Variants in USP1 observed in about 807,000 individuals in gnomAD.
USP1 encodes ubiquitin specific peptidase 1, also known as ubiquitin carboxyl-terminal hydrolase 1.
A neutral mutation model predicts 72.2 loss-of-function variants in USP1; 18 were observed. The observed-to-expected ratio is 0.25, with a 90% CI of 0.17 to 0.37. The LOEUF is 0.37. Among genes scored for constraint, USP1 ranks in the 10% least tolerant of loss-of-function variants. The pLI is 1.00. For synonymous variants in USP1, 354 were observed against 303.7 expected (o/e 1.17, Z -1.72); for missense variants, 759 against 884.9 (o/e 0.86, Z 1.81).
In USP1 at chr1:62,439,664, A is replaced by C. The variant is rs191899881; in HGVS notation, c.-69-135A>C. ...TTTAAGCAATAAATATTGAGTGCTTATTGGCAGGCATTAGGTTTTCAAATG... is the reference window on the plus strand; with the variant it reads ...TTTAAGCAATAAATATTGAGTGCTTCTTGGCAGGCATTAGGTTTTCAAATG... On this transcript the variant is annotated intron_variant, in intron 1 of 8. Transcript: ENST00000339950. 1.2e-5 allele frequency: 5 copies of C among 422,224 alleles called. No individual in the cohort carries two copies. The Admixed American group carries it at 1.3e-4, about 11-fold the overall frequency. 26.2% of individuals were successfully genotyped at this position (422,224 alleles called of 1,614,324 possible).
intron 7 of USP1, among the ~76,000 whole-genome samples, chr1:62,448,038 G>A (rs1369623800): frequency 6.6e-6 from 1 of 152,086 alleles, no homozygotes; most frequent in South Asian, 2.1e-4. Flanking sequence ...CGCCCGCCTT[G>A]GCCTCCCAAA....
Position 62,439,673 on chromosome 1 carries a change from C to T in USP1, c.-69-126C>T, listed in dbSNP as rs568908716. On this transcript the variant is annotated intron_variant, in intron 1 of 8. Transcript: ENST00000339950. ...TAAATATTGAGTGCTTATTGGCAGGCATTAGGTTTTCAAATGTTAATTTCT... is the reference window on the plus strand; with the variant it reads ...TAAATATTGAGTGCTTATTGGCAGGTATTAGGTTTTCAAATGTTAATTTCT... 84 of 431,830 alleles carry T rather than the reference C, an allele frequency of 1.9e-4. No homozygotes were observed. In the South Asian group the frequency reaches 2.1e-3, roughly 11 times the overall value. 26.7% of individuals were successfully genotyped at this position (431,830 alleles called of 1,614,324 possible).
At chr1:62,437,679 C>T (rs887878468) in intron 1 of USP1, among the ~76,000 whole-genome samples, 2 of 152,230 alleles carry the variant, frequency 1.3e-5, no homozygotes, top group East Asian at 1.9e-4. Context: ...CTCCCCCGAC[C>T]GGGCAGCCTG....
intron 1 of USP1, among the ~76,000 whole-genome samples, chr1:62,438,692 C>T (rs963684751): frequency 2.6e-5 from 4 of 151,118 alleles, no homozygotes; most frequent in Non-Finnish European, 4.4e-5. Flanking sequence ...TTAACTCCTA[C>T]ACTCCTACAA....
chr1:62,441,628 A>G lies in USP1; in HGVS notation c.291+20A>G, dbSNP rs970773735. 7 of 1,602,102 alleles carry G rather than the reference A, an allele frequency of 4.4e-6. No homozygotes were observed. The highest frequency in any genetic ancestry group is 1.3e-5 in the African/African-American group (1 of 74,430). On this transcript the variant is annotated intron_variant, in intron 3 of 8. Transcript: ENST00000339950. Reference sequence around the variant, plus strand: ...CTTCAGGTAAATTGACAATTTTGCTATATCATAAAGCTTTAGTAGGCAAAG... The same window carrying G: ...CTTCAGGTAAATTGACAATTTTGCTGTATCATAAAGCTTTAGTAGGCAAAG...
chr1:62,450,829 G>T lies in USP1; in HGVS notation c.2206G>T (p.Val736Leu). ...TGGATTTGAGAACAAAATTTCATAC[G>T]TAGTGCAAAGCTTAAAGGAGTATGA... is the stretch of plus-strand genomic sequence containing the variant. ...ISGFENKISYVVQSLKEYEGK... is the reference protein window; with the variant it reads ...ISGFENKISYLVQSLKEYEGK... The change falls in exon 9 of 9, where the codon GTA becomes TTA. Residue 736 changes from valine to leucine, a missense_variant. Coordinates refer to ENST00000339950, the MANE Select transcript of USP1 (RefSeq NM_003368.5). 6.2e-7 allele frequency: 1 copy of T among 1,614,018 alleles called. No individual in the cohort carries two copies. The highest frequency in any genetic ancestry group is 8.5e-7 in the Non-Finnish European group (1 of 1,179,984).
At chr1:62,436,765 G>A (rs930479746), upstream of USP1, 25 of 214,864 alleles carry the variant, frequency 1.2e-4, no homozygotes, top group Admixed American at 4.1e-4. Flanking sequence ...CCGCCAGCCA[G>A]GCCGCTAGCA....
intron 2 of USP1, among the ~76,000 whole-genome samples, chr1:62,440,365 A>ATT (rs113938904): frequency 1.8e-5 from 1 of 54,936 alleles, no homozygotes; most frequent in Non-Finnish European, 3.4e-5. Context: ...AAAAGGTTTT[A>ATT]TATATATATA....
rs1645162089 is a variant in USP1, at chr1:62,445,189, G to A, written c.1009G>A (p.Val337Ile). The change falls in exon 6 of 9, where the codon GTT becomes ATT. Residue 337 changes from valine (V) to isoleucine (I), a missense_variant. Around this residue, in one of 9 missense-constraint regions of USP1, gnomAD observed 245 missense variants for 240.7 expected, o/e 1.02. Coordinates refer to ENST00000339950, the MANE Select transcript of USP1 (RefSeq NM_003368.5). The stretch of plus-strand genomic sequence containing the variant: ...AAGACCCTCACAAAAGAAATCAAGA[G>A]TTAAAATAAATTGGTTAAAGTCTGC... ...SPRPSQKKSR[V>I]KINWLKSATK... The A allele has an allele frequency of 6.2e-7, 1 of 1,611,602 alleles. No homozygotes were observed. The highest frequency in any genetic ancestry group is 1.3e-5 in the African/African-American group (1 of 74,670).
At chr1:62,449,570 C>G (rs1177821297) in intron 8 of USP1, among the ~76,000 whole-genome samples, 1 of 152,066 alleles carries the variant, frequency 6.6e-6, no homozygotes, top group Non-Finnish European at 1.5e-5. Context: ...GTATAAAATA[C>G]TATTTTATTT....
At chr1:62,445,457 G>T in intron 6 of USP1, 28 bp downstream of exon 6, 1 of 1,483,676 alleles carries the variant, frequency 6.7e-7, no homozygotes, top group Non-Finnish European at 9.0e-7. Context: ...ACTTTGATAG[G>T]TAGAAGCATT....
chr1:62,439,241 A>G lies in USP1; in HGVS notation c.-69-558A>G, dbSNP rs550373646. Among the ~76,000 whole-genome samples the G allele has an allele frequency of 1.5e-4, 23 of 152,194 alleles. No homozygotes were observed. In the South Asian group the frequency reaches 2.1e-3, roughly 14 times the overall value. On this transcript the variant is annotated intron_variant, in intron 1 of 8. Transcript: ENST00000339950. ...GCTCTATGGCCCAGGCTGGAGTGCA[A>G]TGGCACGATCTCGGCTCACTGCAGC...
chr1:62,447,245 A>T, intron 6 of USP1, 96 bp from the exon 7 acceptor site: 1 of 1,195,734 alleles, frequency 8.4e-7, no homozygotes, highest in Non-Finnish European at 1.2e-6. Flanking sequence ...TGGAACTGTT[A>T]TTCATGATAT....
At chr1:62,446,908 G>A (rs1290692760) in intron 6 of USP1, among the ~76,000 whole-genome samples, 3 of 151,828 alleles carry the variant, frequency 2.0e-5, no homozygotes, top group Non-Finnish European at 4.4e-5. Context: ...TCCACCTCCC[G>A]GGTTCAAGCG....
chr1:62,442,151 ATTG>A lies in USP1; in HGVS notation c.292-41_292-39del, dbSNP rs756892310. The A allele has an allele frequency of 3.9e-5, 50 of 1,278,182 alleles. No individual in the cohort carries two copies. In the African/African-American group the frequency reaches 6.9e-4, roughly 18 times the overall value. The allele number at this position is 1,278,182 out of a possible 1,614,324, so 79.2% of individuals were successfully genotyped here. On this transcript the variant is annotated intron_variant, in intron 3 of 8. Coordinates refer to ENST00000339950, the MANE Select transcript of USP1 (RefSeq NM_003368.5). ...ATGTTGTTTTAATGATTTTACGTGT[ATTG>A]TTTGTTCAGTAAACACTTAAGACAA...
intron 4 of USP1, among the ~76,000 whole-genome samples, chr1:62,442,586 A>C (rs1026020603): frequency 4.6e-5 from 7 of 152,204 alleles, no homozygotes; most frequent in Non-Finnish European, 1.0e-4. Flanking sequence ...CAACTTATTT[A>C]CCCATTGTGT....
In USP1 at chr1:62,444,622, G is replaced by C. The variant is rs970345554; in HGVS notation, c.558-116G>C. 6 of 872,074 alleles carry C rather than the reference G, an allele frequency of 6.9e-6. No homozygotes were observed. In the African/African-American group the frequency reaches 8.9e-5, roughly 13 times the overall value. The allele number at this position is 872,074 out of a possible 1,614,324, so 54.0% of individuals were successfully genotyped here. On this transcript the variant is annotated intron_variant, in intron 5 of 8. Transcript: ENST00000339950. ...CAAATTAGTGCTGAATAAATGTCTTGACATTTAAAAAATGAAATAATTTAT... is the reference window on the plus strand; with the variant it reads ...CAAATTAGTGCTGAATAAATGTCTTCACATTTAAAAAATGAAATAATTTAT...
intron 1 of USP1, among the ~76,000 whole-genome samples, chr1:62,439,507 T>C (rs79109479): frequency 0.016 from 2,445 of 152,306 alleles, 72 homozygotes; most frequent in African/African-American, 0.056. Context: ...TTTTTACTAC[T>C]TATACTATTT....
In USP1 at chr1:62,450,922, C is replaced by A; in HGVS notation, c.2299C>A (p.Leu767Ile). The A allele has an allele frequency of 6.2e-7, 1 of 1,612,864 alleles. No homozygotes were observed. Among genetic ancestry groups the A allele is most frequent in the Non-Finnish European group, 8.5e-7 (1 of 1,179,684 alleles). The change falls in exon 9 of 9, where the codon CTT becomes ATT. Residue 767 changes from leucine (L) to isoleucine (I), a missense_variant. This residue lies in a region of USP1 where 22 missense variants were observed against 23.4 expected (regional missense o/e 0.94). Coordinates refer to ENST00000339950, the MANE Select transcript of USP1 (RefSeq NM_003368.5). ...TGAAGAGAAGGACTTTCTGAATTCT[C>A]TTTCCCCTTCTACATCTCCTACTTC... is the stretch of plus-strand genomic sequence containing the variant. ...VTEEKDFLNS[L>I]SPSTSPTSTP...
Sources: allele counts gnomAD v4.1 joint callset (sites outside exome capture counted in the v4.1 genomes callset), GRCh38; gene constraint gnomAD v4.1.1; regional missense constraint gnomAD v4.1.1; transcripts MANE v1.5; gene names NCBI Gene and HGNC (gene_info 2026-07-23, HGNC 2026-07-21).